Variants in C19orf38 observed in about 807,000 individuals in gnomAD.
C19orf38 encodes chromosome 19 open reading frame 38.
C19orf38 carries 14 observed loss-of-function variants against 26.6 expected under a neutral mutation model. That is an observed-to-expected ratio of 0.53 (90% CI 0.35 to 0.82). The LOEUF is 0.82. Ranked by LOEUF, C19orf38 falls within the 40% of genes least tolerant of loss-of-function variation. C19orf38 has a pLI of 0.01. For missense variants in C19orf38, 261 were observed against 299.5 expected, an observed-to-expected ratio of 0.87 and a Z score of 0.95; for synonymous variants, 132 against 128.5, an observed-to-expected ratio of 1.03 and a Z score of -0.18.
At chr19:10,848,400 G>A (rs2073535342), upstream of C19orf38, 1 of 1,237,950 alleles carries the variant, frequency 8.1e-7, no homozygotes, top group Non-Finnish European at 1.2e-6. Flanking sequence ...CTCAGCTCGA[G>A]AATCAGCCCT....
At chr19:10,858,226 T>TAAAAAAA (rs371026775) in intron 3 of C19orf38, 90 bp from the exon 4 acceptor site, 190 of 321,556 alleles carry the variant, frequency 5.9e-4, no homozygotes, top group Middle Eastern at 2.2e-3. Flanking sequence ...AGACTCTGTC[T>TAAAAAAA]AAAAAAAAAA....
upstream of C19orf38, among the ~76,000 whole-genome samples, chr19:10,844,252 A>G (rs989458116): frequency 1.3e-5 from 2 of 151,300 alleles, no homozygotes; most frequent in African/African-American, 4.9e-5. Flanking sequence ...TAAAAATACA[A>G]AAATTAGCCA....
upstream of C19orf38, among the ~76,000 whole-genome samples, chr19:10,845,536 G>C (rs1388896644): frequency 6.6e-6 from 1 of 152,152 alleles, no homozygotes; most frequent in African/African-American, 2.4e-5. Flanking sequence ...GTGGCATGCA[G>C]TTAAAACAGT....
chr19:10,869,209 T>C lies in C19orf38; in HGVS notation c.544-9T>C, dbSNP rs756899297. The C allele has an allele frequency of 6.4e-7, 1 of 1,551,614 alleles. No individual in the cohort carries two copies. Among genetic ancestry groups the C allele is most frequent in the South Asian group, 1.2e-5 (1 of 84,062 alleles). On this transcript the variant is annotated splice_polypyrimidine_tract_variant and intron_variant, in intron 6 of 6. Transcript: ENST00000397820. ...ACCCACTTCTGTGTTTCTTCTTACA[T>C]GGACAAAGAAAACGATGCCAGAAGA...
At chr19:10,838,220 C>T (rs573169815) in intron 1 of C19orf38, among the ~76,000 whole-genome samples, 1 of 152,202 alleles carries the variant, frequency 6.6e-6, no homozygotes, top group East Asian at 1.9e-4. Flanking sequence ...ACTATCCTGG[C>T]TAACACAGTG....
intron 6 of C19orf38, among the ~76,000 whole-genome samples, chr19:10,867,090 C>T (rs1467902156): frequency 2.0e-5 from 3 of 151,594 alleles, no homozygotes; most frequent in Admixed American, 2.0e-4. Flanking sequence ...GTGCCCGGCC[C>T]AGAAATTTCT....
intron 1 of C19orf38, chr19:10,842,118 T>G: frequency 6.3e-7 from 1 of 1,577,000 alleles, no homozygotes; most frequent in Non-Finnish European, 8.7e-7. Flanking sequence ...TGCTGTATCC[T>G]CAGTTGACTC....
rs573206768 is a variant in C19orf38, at chr19:10,837,493, T to A, written c.-69+723T>A. 4.1e-5 allele frequency among the ~76,000 whole-genome samples: 6 copies of A among 145,648 alleles called. No individual in the cohort carries two copies. The East Asian group carries it at 6.0e-4, about 15-fold the overall frequency. On this transcript the variant is annotated intron_variant, in intron 1 of 7. Coordinates refer to the C19orf38 transcript ENST00000592854. ...TTCTTTTTTTTCTTTTTTTTTTTAA[T>A]TTTTTTTTCCTTTTTTTTTTTTTTT...
In C19orf38 at chr19:10,869,217, GA is replaced by G; in HGVS notation, c.547del (p.Thr183ArgfsTer144). 1 of 1,551,624 alleles carries G rather than the reference GA, an allele frequency of 6.4e-7. No homozygotes were observed. The highest frequency in any genetic ancestry group is 8.7e-7 in the Non-Finnish European group (1 of 1,146,968). On this transcript the variant is annotated frameshift_variant and splice_region_variant, in exon 7 of 7. Transcript: ENST00000397820. LOFTEE classifies it low-confidence loss of function (END_TRUNC). ...CTGTGTTTCTTCTTACATGGACAAA[GA>G]AAACGATGCCAGAAGAAGACCCGGC... ...FDNSLFTVSA[K>X]TMPEEDPATL...
At chr19:10,842,145 A>G (rs2073482745) in intron 1 of C19orf38, 7 of 1,580,666 alleles carry the variant, frequency 4.4e-6, no homozygotes, top group South Asian at 3.3e-5. Flanking sequence ...TCAGGCCCAG[A>G]TGACACCAAG....
chr19:10,839,283 G>T, intron 1 of C19orf38, among the ~76,000 whole-genome samples: 1 of 152,170 alleles, frequency 6.6e-6, no homozygotes, highest in East Asian at 1.9e-4. Context: ...GATATGCCTG[G>T]CTCCCAGGTA....
chr19:10,842,013 G>A, intron 1 of C19orf38: 2 of 1,610,742 alleles, frequency 1.2e-6, no homozygotes, highest in Non-Finnish European at 1.7e-6. Context: ...TCCTTTTGGA[G>A]CCATGAATAT....
chr19:10,865,998 T>C (rs1269430723), intron 6 of C19orf38, among the ~76,000 whole-genome samples: 1 of 151,178 alleles, frequency 6.6e-6, no homozygotes. Flanking sequence ...TATATATATA[T>C]TTATTTATTT....
Position 10,856,351 on chromosome 19 carries a change from A to G in C19orf38, c.427A>G (p.Arg143Gly). The change falls in exon 3 of 7, where the codon AGA (arginine) becomes GGA (glycine). Residue 143 changes from arginine to glycine, a missense_variant. Physicochemically the swap from Arg to Gly is moderately radical, Grantham distance 125. Transcript: ENST00000397820. The part of the protein sequence containing the change: ...AGLVAVALVV[R>G]KVKLRNLQKK... ...GCTGGTGGCTGTTGCCCTGGTGGTC[A>G]GAAAAGGTAACAGCACGCAAAGCCT... 1 of 1,551,058 alleles carries G rather than the reference A, an allele frequency of 6.4e-7. No individual in the cohort carries two copies. Among genetic ancestry groups the G allele is most frequent in the Admixed American group, 2.0e-5 (1 of 50,974 alleles).
chr19:10,850,472 C>T lies in C19orf38; in HGVS notation c.245C>T (p.Pro82Leu), dbSNP rs1335781086. Residue 82 changes from proline to leucine, a missense_variant, in exon 2 of 7, where the codon CCA (proline) becomes CTA (leucine). Pro to Leu is a moderately conservative substitution (Grantham distance 98, BLOSUM62 -3). Transcript: ENST00000397820. ...FNLSGGSSKA[P>L]GGPFHCQYGV... ...CTGAGCGGCGGCAGCAGCAAGGCTC[C>T]AGGGGGACCCTTCCACTGCCAGTAT... 7.1e-6 allele frequency: 11 copies of T among 1,551,670 alleles called. No homozygotes were observed. Among genetic ancestry groups the T allele is most frequent in the Non-Finnish European group, 9.6e-6 (11 of 1,146,966 alleles).
chr19:10,858,246 A>C (rs756686230), intron 3 of C19orf38, 70 bp from the exon 4 acceptor site: 12 of 1,254,818 alleles, frequency 9.6e-6, no homozygotes, highest in South Asian at 7.9e-5. Flanking sequence ...AAAAAAAAAA[A>C]AAAAAACAGA....
chr19:10,869,609 G>A lies in C19orf38; in HGVS notation c.*242G>A. 1 of 527,804 alleles carries A rather than the reference G, an allele frequency of 1.9e-6. No individual in the cohort carries two copies. The highest frequency in any genetic ancestry group is 3.2e-6 in the Non-Finnish European group (1 of 311,072). 32.7% of individuals were successfully genotyped at this position (527,804 alleles called of 1,614,324 possible). A position where few individuals can be genotyped will look rare whatever the true frequency, so the allele number is the denominator to read the frequency against. On this transcript the variant is annotated 3_prime_UTR_variant, in exon 7 of 7. Coordinates refer to ENST00000397820, the MANE Select transcript of C19orf38 (RefSeq NM_001136482.3). Reference sequence around the variant, plus strand: ...CCTTCGGCTCCTCAGGACCACCAGAGAAGGAGATGTCAGGACCCCTTCTTG... The same window carrying A: ...CCTTCGGCTCCTCAGGACCACCAGAAAAGGAGATGTCAGGACCCCTTCTTG...
chr19:10,869,670 G>T lies in C19orf38; in HGVS notation c.*303G>T. Reference sequence around the variant, plus strand: ...GGGCCATAAGACGTCCCAGGTCTCTGCACACCCGTGGAATTCCTCCCTTCC... The same window carrying T: ...GGGCCATAAGACGTCCCAGGTCTCTTCACACCCGTGGAATTCCTCCCTTCC... On this transcript the variant is annotated 3_prime_UTR_variant, in exon 7 of 7. Coordinates refer to ENST00000397820, the MANE Select transcript of C19orf38 (RefSeq NM_001136482.3). 2.8e-6 allele frequency: 1 copy of T among 363,354 alleles called. No individual in the cohort carries two copies. The allele number at this position is 363,354 out of a possible 1,614,324, so 22.5% of individuals were successfully genotyped here.
At chr19:10,865,174 T>C (rs1326834991) in intron 6 of C19orf38, among the ~76,000 whole-genome samples, 2 of 152,146 alleles carry the variant, frequency 1.3e-5, no homozygotes, top group African/African-American at 4.8e-5. Context: ...TTTTTTGAGA[T>C]GGAGTCTTGC....
Sources: gnomAD v4.1 joint callset for allele counts (sites outside exome capture counted in the v4.1 genomes callset) on GRCh38, gnomAD v4.1.1 for gene constraint, MANE v1.5 for transcripts, NCBI Gene and HGNC (gene_info 2026-07-23, HGNC 2026-07-21) for gene names.